Variants in ZBTB25 observed in about 807,000 individuals in gnomAD.
The protein encoded by ZBTB25 is zinc finger and BTB domain containing 25, also known as zinc finger and BTB domain-containing protein 25.
Under a neutral mutation model 34.2 loss-of-function variants are expected in ZBTB25, and 20 were observed. That is an observed-to-expected ratio of 0.58 (90% CI 0.41 to 0.85). ZBTB25 has a LOEUF of 0.85. ZBTB25 is among the 40% of genes least tolerant of loss of function. The pLI is 0.00. For synonymous variants in ZBTB25, 175 were observed against 186.4 expected, an observed-to-expected ratio of 0.94 and a Z score of 0.50; for missense variants, 437 against 521.8, an observed-to-expected ratio of 0.84 and a Z score of 1.58.
intron 1 of ZBTB25, among the ~76,000 whole-genome samples, chr14:64,499,238 A>G (rs2140021357): frequency 6.6e-6 from 1 of 152,298 alleles, no homozygotes; most frequent in South Asian, 2.1e-4. Context: ...AAACAACTGT[A>G]ATTCTAATTG....
intron 2 of ZBTB25, among the ~76,000 whole-genome samples, chr14:64,466,867 T>C (rs2078617717): frequency 6.6e-6 from 1 of 152,238 alleles, no homozygotes; most frequent in African/African-American, 2.4e-5. Flanking sequence ...TTCCATTCTT[T>C]GGTGCCATCA....
chr14:64,487,685 G>A lies in ZBTB25; in HGVS notation c.546C>T (p.Asp182=). ...GGGTGGCAGGACAGGCCCTCTGCTG[G>A]TCTGCAGTGCCATCATCCAGACCAA... The part of the protein sequence containing the change: ...LAIGLDDGTA[D]QQRACPATQA... The change falls in exon 3 of 3, where the codon GAC becomes GAT. Residue 182 remains aspartate, a synonymous_variant. Transcript: ENST00000608382. 3 of 1,610,342 alleles carry A rather than the reference G, an allele frequency of 1.9e-6. No individual in the cohort carries two copies. In the East Asian group the frequency reaches 6.7e-5, roughly 36 times the overall value.
chr14:64,485,993 C>G lies in ZBTB25; in HGVS notation c.*930G>C, dbSNP rs908773993. On this transcript the variant is annotated 3_prime_UTR_variant, in exon 3 of 3. Coordinates refer to ENST00000608382, the MANE Select transcript of ZBTB25 (RefSeq NM_006977.5). ...AATATTTTTTAATGTCTCTCTGACT[C>G]TTCTCCCTTTAACTGTTTTTTTTAT... 1 of 984,420 alleles carries G rather than the reference C, an allele frequency of 1.0e-6. No individual in the cohort carries two copies. Among genetic ancestry groups the G allele is most frequent in the Non-Finnish European group, 1.2e-6 (1 of 829,186 alleles). The allele number at this position is 984,420 out of a possible 1,614,324, so 61.0% of individuals were successfully genotyped here.
chr14:64,465,713 G>C (rs2078605942), intron 2 of ZBTB25: 1 of 152,218 alleles, frequency 6.6e-6, no homozygotes. Flanking sequence ...ACTGGATACG[G>C]GGTATCCGAG....
At chr14:64,449,543 A>T in exon 3 of ZBTB25, 1 of 1,614,172 alleles carries the variant, frequency 6.2e-7, no homozygotes, top group Non-Finnish European at 8.5e-7. Context: ...GAAGGGGGCA[A>T]GGGTGCCTTA....
At position 64,458,904 on chromosome 14, in the gene ZBTB25, G is replaced by A. The variant is rs539973929; in HGVS notation, c.174-9266C>T. On this transcript the variant is annotated intron_variant, in intron 2 of 2. Transcript: ENST00000555220. ...ACCCTTGGGGCTGAAGCAGCAAGTT[G>A]CAGTGTGCACTTATATCCCTAGACA... 3.9e-5 allele frequency among the ~76,000 whole-genome samples: 6 copies of A among 152,298 alleles called. No individual in the cohort carries two copies. In the East Asian group the frequency reaches 1.2e-3, roughly 29 times the overall value.
intron 1 of ZBTB25, among the ~76,000 whole-genome samples, chr14:64,498,251 T>A (rs2079348406): frequency 6.6e-6 from 1 of 151,916 alleles, no homozygotes. Context: ...GATGTCTGAG[T>A]CCCAACCCAG....
chr14:64,469,753 T>C, intron 2 of ZBTB25: 3 of 1,102,940 alleles, frequency 2.7e-6, no homozygotes, highest in South Asian at 3.4e-5. Flanking sequence ...CATTTCTTAC[T>C]CAGTAACAAA....
downstream of ZBTB25, among the ~76,000 whole-genome samples, chr14:64,477,320 A>G (rs2078729000): frequency 6.6e-6 from 1 of 152,216 alleles, no homozygotes; most frequent in Non-Finnish European, 1.5e-5. Context: ...GGCTCTGAGC[A>G]TAGCCACCAG....
At chr14:64,459,894 TC>T in intron 2 of ZBTB25, 3 of 1,536,062 alleles carry the variant, frequency 2.0e-6, no homozygotes, top group Non-Finnish European at 2.6e-6. Context: ...AGTAGGAGTT[TC>T]CCCAGAAGTC....
In ZBTB25 at chr14:64,486,807, T is replaced by C; in HGVS notation, c.*116A>G. 6 of 1,441,530 alleles carry C rather than the reference T, an allele frequency of 4.2e-6. No homozygotes were observed. The highest frequency in any genetic ancestry group is 4.5e-6 in the Non-Finnish European group (5 of 1,101,504). The allele number at this position is 1,441,530 out of a possible 1,614,324, so 89.3% of individuals were successfully genotyped here. A position where few individuals can be genotyped will look rare whatever the true frequency, so the allele number is the denominator to read the frequency against. Reference sequence around the variant, plus strand: ...ATATATACAACCTTAAAACCATGGATAAGCTGTGAAGAAAAAAAGTCAATG... The same window carrying C: ...ATATATACAACCTTAAAACCATGGACAAGCTGTGAAGAAAAAAAGTCAATG... On this transcript the variant is annotated 3_prime_UTR_variant, in exon 3 of 3. Transcript: ENST00000608382.
In ZBTB25 at chr14:64,485,490, C is replaced by T. The variant is rs748173306; in HGVS notation, c.*1433G>A. The T allele has an allele frequency of 2.6e-5, 26 of 985,146 alleles. No individual in the cohort carries two copies. The highest frequency in any genetic ancestry group is 2.9e-5 in the Non-Finnish European group (24 of 829,900). 61.0% of individuals were successfully genotyped at this position (985,146 alleles called of 1,614,324 possible). On this transcript the variant is annotated 3_prime_UTR_variant, in exon 3 of 3. Coordinates refer to ENST00000608382, the MANE Select transcript of ZBTB25 (RefSeq NM_006977.5). Reference sequence around the variant, plus strand: ...CAGCTATTTCCCAGGTATATAGAGCCGGGGAATCTGTTATTTCTTTCATCA... The same window carrying T: ...CAGCTATTTCCCAGGTATATAGAGCTGGGGAATCTGTTATTTCTTTCATCA...
Position 64,449,195 on chromosome 14 carries a change from G to A in ZBTB25, c.*356C>T, listed in dbSNP as rs951093519. On this transcript the variant is annotated 3_prime_UTR_variant, in exon 3 of 3. Coordinates refer to the ZBTB25 transcript ENST00000555220. ...GGATTTACCATCTGAGTCTCATAAC[G>A]TCCCAATGAAATAAGTGCTGTGATT... 2.4e-5 allele frequency: 13 copies of A among 545,598 alleles called. 1 individual carries two copies. Among genetic ancestry groups the A allele is most frequent in the Admixed American group, 8.7e-5 (3 of 34,572 alleles). The allele number at this position is 545,598 out of a possible 1,614,324, so 33.8% of individuals were successfully genotyped here.
chr14:64,467,707 G>A (rs2078625737), intron 2 of ZBTB25: 1 of 151,836 alleles, frequency 6.6e-6, no homozygotes, highest in Admixed American at 6.6e-5. Flanking sequence ...TCATCTGGCT[G>A]GATTTGAGTA....
intron 2 of ZBTB25, chr14:64,469,426 C>G: frequency 6.2e-7 from 1 of 1,613,336 alleles, no homozygotes; most frequent in African/African-American, 1.3e-5. Flanking sequence ...TTATTACAGA[C>G]ACTGAAATCA....
chr14:64,490,668 A>G (rs755232231), intron 1 of ZBTB25, 128 bp from the exon 2 acceptor site: 2 of 875,440 alleles, frequency 2.3e-6, no homozygotes, highest in Non-Finnish European at 3.3e-6. Flanking sequence ...TTTAAATGAA[A>G]TTATTCAAGT....
At chr14:64,502,798 TC>T (rs1184673741) in intron 1 of ZBTB25, 1 of 957,862 alleles carries the variant, frequency 1.0e-6, no homozygotes, top group Non-Finnish European at 1.2e-6. Flanking sequence ...ATCACGCTCT[TC>T]AGGCCTGGTG....
At chr14:64,467,222 A>C (rs1024621292) in intron 2 of ZBTB25, 1 of 152,248 alleles carries the variant, frequency 6.6e-6, no homozygotes. Flanking sequence ...TCTTGTGTTA[A>C]TCTGAGCTCT....
chr14:64,474,171 G>C (rs902775004), downstream of ZBTB25: 1 of 167,116 alleles, frequency 6.0e-6, no homozygotes, highest in African/African-American at 2.4e-5. Flanking sequence ...TACACAGAGA[G>C]AGCAATTAAT....
Sources: gnomAD v4.1 joint callset for allele counts (sites outside exome capture counted in the v4.1 genomes callset) on GRCh38, gnomAD v4.1.1 for gene constraint, MANE v1.5 for transcripts, NCBI Gene and HGNC (gene_info 2026-07-23, HGNC 2026-07-21) for gene names.